Variants in DNAI7 observed in about 807,000 individuals in gnomAD.
The protein encoded by DNAI7 is dynein axonemal intermediate chain 7.
Under a neutral mutation model 86.6 loss-of-function variants are expected in DNAI7, and 78 were observed. That is an observed-to-expected ratio of 0.90 (90% CI 0.75 to 1.09). DNAI7 has a LOEUF of 1.09. Among genes scored for constraint, DNAI7 ranks in the 50% least tolerant of loss-of-function variants. DNAI7 has a pLI of 0.00. For synonymous variants in DNAI7, 274 were observed against 273.0 expected (o/e 1.00, Z -0.04); for missense variants, 753 against 810.2 (o/e 0.93, Z 0.86).
At chr12:25,165,307 C>T (rs1947329765) in intron 2 of DNAI7, among the ~76,000 whole-genome samples, 1 of 152,178 alleles carries the variant, frequency 6.6e-6, no homozygotes. Flanking sequence ...GTTGCAATTC[C>T]TTGCCTCCAC....
intron 11 of DNAI7, among the ~76,000 whole-genome samples, chr12:25,120,648 C>G (rs565759550): frequency 1.3e-5 from 2 of 152,090 alleles, no homozygotes; most frequent in East Asian, 1.9e-4. Context: ...TGGCGTGAAC[C>G]CGGGAGGCGG....
chr12:25,158,931 T>C (rs914512546), intron 3 of DNAI7, among the ~76,000 whole-genome samples: 12 of 152,122 alleles, frequency 7.9e-5, no homozygotes, highest in African/African-American at 2.9e-4. Flanking sequence ...CATTAAAAAG[T>C]CAGGAAACAA....
intron 2 of DNAI7, among the ~76,000 whole-genome samples, chr12:25,186,707 G>A (rs1338846720): frequency 6.6e-6 from 1 of 152,114 alleles, no homozygotes; most frequent in African/African-American, 2.4e-5. Context: ...CAGAATGGGA[G>A]TAGATAACAG....
intron 5 of DNAI7, among the ~76,000 whole-genome samples, 190 bp downstream of exon 5, chr12:25,155,120 AG>A (rs1328568198): frequency 6.6e-6 from 1 of 152,240 alleles, no homozygotes; most frequent in Non-Finnish European, 1.5e-5. Context: ...AAACATTTCA[AG>A]GACATTATTA....
downstream of DNAI7, chr12:25,107,688 A>ATAAT: frequency 1.3e-6 from 1 of 798,486 alleles, no homozygotes. Flanking sequence ...ATGATAAATC[A>ATAAT]TAATATGTAG....
chr12:25,125,369 A>G (rs1471798707), intron 9 of DNAI7, among the ~76,000 whole-genome samples: 1 of 152,200 alleles, frequency 6.6e-6, no homozygotes. Context: ...TCTAATGATC[A>G]GCGATATTGG....
intron 9 of DNAI7, among the ~76,000 whole-genome samples, chr12:25,141,273 C>T (rs966536713): frequency 2.0e-5 from 3 of 152,148 alleles, no homozygotes; most frequent in Non-Finnish European, 4.4e-5. Flanking sequence ...AAACAGACAA[C>T]CCACAGAGTG....
intron 9 of DNAI7, among the ~76,000 whole-genome samples, chr12:25,141,805 G>A (rs1944225882): frequency 6.6e-6 from 1 of 151,368 alleles, no homozygotes. Context: ...TCTCCAGCCT[G>A]AGTGACAGAG....
intron 9 of DNAI7, among the ~76,000 whole-genome samples, chr12:25,141,266 C>T (rs1334462878): frequency 6.6e-6 from 1 of 152,146 alleles, no homozygotes; most frequent in African/African-American, 2.4e-5. Context: ...GCAGAGTAAA[C>T]AGACAACCCA....
rs1287601031 is a variant in DNAI7, at chr12:25,194,266, A to G, written c.3+810T>C. Among the ~76,000 whole-genome samples, 3 of 152,148 alleles carry G rather than the reference A, an allele frequency of 2.0e-5. No individual in the cohort carries two copies. In the East Asian group the frequency reaches 5.8e-4, roughly 29 times the overall value. The stretch of plus-strand genomic sequence containing the variant: ...GTGTTACCCCATTTTAGATGCTTCA[A>G]TTGTTACAGTTGTAAAGCTGTATTG... On this transcript the variant is annotated intron_variant, in intron 1 of 15. Coordinates refer to ENST00000395987, the MANE Select transcript of DNAI7 (RefSeq NM_018272.5).
intron 9 of DNAI7, among the ~76,000 whole-genome samples, chr12:25,130,516 G>A (rs893443915): frequency 7.9e-5 from 12 of 151,650 alleles, no homozygotes; most frequent in East Asian, 1.9e-4. Context: ...CGGCCTGGGC[G>A]AAAGAGCGAG....
chr12:25,153,168 T>A (rs1945760802), intron 6 of DNAI7, among the ~76,000 whole-genome samples: 4 of 152,320 alleles, frequency 2.6e-5, no homozygotes, highest in Middle Eastern at 3.4e-3. Context: ...GCAGTGGTAA[T>A]CCTAGCACTT....
rs541272257 is a variant in DNAI7 at position 25,123,299 on chromosome 12, A to G, written c.1003-13T>C. The G allele has an allele frequency of 1.3e-6, 2 of 1,582,020 alleles. No individual in the cohort carries two copies. The highest frequency in any genetic ancestry group is 1.2e-5 in the South Asian group (1 of 86,814). ...CCTCAGCAGAACTCTATAAAAAACC[A>G]CAGACATATGGGTGTGATTGTCAGT... On this transcript the variant is annotated splice_polypyrimidine_tract_variant and intron_variant, in intron 9 of 15. Transcript: ENST00000395987.
chr12:25,110,177 C>T lies in DNAI7; in HGVS notation c.1843G>A (p.Gly615Ser), dbSNP rs1949693073. The T allele has an allele frequency of 6.2e-7, 1 of 1,612,986 alleles. No individual in the cohort carries two copies. The highest frequency in any genetic ancestry group is 2.2e-5 in the East Asian group (1 of 44,876). The change falls in exon 15 of 16, where the codon GGT becomes AGT. Residue 615 changes from glycine to serine, a missense_variant. Gly to Ser is a moderately conservative substitution (Grantham distance 56). Coordinates refer to ENST00000395987, the MANE Select transcript of DNAI7 (RefSeq NM_018272.5). ...MALLSSAFAF[G>S]WSKWNLLCNS... Reference sequence around the variant, plus strand: ...CATAGTAGGTTCCACTTGCTCCAACCAAATGCAAAAGCAGAACTTAGTAGG... The same window carrying T: ...CATAGTAGGTTCCACTTGCTCCAACTAAATGCAAAAGCAGAACTTAGTAGG...
intron 13 of DNAI7, among the ~76,000 whole-genome samples, chr12:25,112,628 G>C (rs7963231): frequency 5.9e-5 from 9 of 151,866 alleles, no homozygotes; most frequent in Non-Finnish European, 1.0e-4. Flanking sequence ...GGATGGTCTC[G>C]ATCTCCTGAC....
chr12:25,161,443 A>C (rs1592529560), intron 2 of DNAI7, among the ~76,000 whole-genome samples: 1 of 152,236 alleles, frequency 6.6e-6, no homozygotes, highest in African/African-American at 2.4e-5. Context: ...TGGCAAGTAC[A>C]TGCAATTTAA....
chr12:25,184,729 A>C (rs992657148), intron 2 of DNAI7, among the ~76,000 whole-genome samples: 3 of 152,174 alleles, frequency 2.0e-5, no homozygotes, highest in Non-Finnish European at 4.4e-5. Flanking sequence ...CTAAGTTGGC[A>C]GCTATTTTCT....
At chr12:25,194,049 T>C (rs1293955093) in intron 1 of DNAI7, among the ~76,000 whole-genome samples, 1 of 152,172 alleles carries the variant, frequency 6.6e-6, no homozygotes, top group East Asian at 1.9e-4. Flanking sequence ...CTCGAACTCC[T>C]GACATCGTGA....
chr12:25,120,139 G>A (rs2140440234), intron 11 of DNAI7, among the ~76,000 whole-genome samples: 1 of 152,186 alleles, frequency 6.6e-6, no homozygotes, highest in South Asian at 2.1e-4. Context: ...TTAAAATTTT[G>A]TTGGAGTGGC....
Sources: allele counts gnomAD v4.1 joint callset (sites outside exome capture counted in the v4.1 genomes callset), GRCh38; gene constraint gnomAD v4.1.1; transcripts MANE v1.5; gene names NCBI Gene and HGNC (gene_info 2026-07-23, HGNC 2026-07-21).